Variants in UGT1A5 observed in about 807,000 individuals in gnomAD.
UGT1A5 encodes UDP glucuronosyltransferase family 1 member A5.
UGT1A5 carries 29 observed loss-of-function variants against 40.3 expected under a neutral mutation model. That is an observed-to-expected ratio of 0.72 (90% CI 0.54 to 0.98). The LOEUF (loss-of-function observed/expected upper bound fraction) is 0.98, where lower values mean the gene tolerates loss of function less well. Among genes scored for constraint, UGT1A5 ranks in the 50% least tolerant of loss-of-function variants. UGT1A5 has a pLI of 0.00. For missense variants in UGT1A5, 678 were observed against 677.9 expected (o/e 1.00, Z 0.00); for synonymous variants, 257 against 262.5 (o/e 0.98, Z 0.20).
At chr2:233,734,353 G>A (rs1251475810) in intron 1 of UGT1A5, among the ~76,000 whole-genome samples, 8 of 152,136 alleles carry the variant, frequency 5.3e-5, no homozygotes, top group Non-Finnish European at 1.2e-4. Flanking sequence ...TTGTATTTCT[G>A]TGGGATCGGT....
intron 1 of UGT1A5, among the ~76,000 whole-genome samples, chr2:233,757,218 C>G (rs1037156819): frequency 2.0e-5 from 3 of 149,068 alleles, no homozygotes; most frequent in African/African-American, 7.5e-5. Context: ...AAGCTGCTGA[C>G]CAAGGTTCCA....
chr2:233,718,096 T>G (rs2076629301), intron 1 of UGT1A5: 1 of 328,356 alleles, frequency 3.0e-6, no homozygotes, highest in Admixed American at 3.8e-5. Context: ...CATGTGTGCT[T>G]TAGACAGCAG....
chr2:233,722,240 A>G (rs538416824), intron 1 of UGT1A5, among the ~76,000 whole-genome samples: 40 of 152,326 alleles, frequency 2.6e-4, no homozygotes, highest in Middle Eastern at 6.8e-3. Flanking sequence ...ATCATGTATT[A>G]TCTGTGACAG....
Position 233,747,854 on chromosome 2 carries a change from G to C in UGT1A5, c.868-19180G>C, listed in dbSNP as rs28900382. 4.1e-4 allele frequency: 669 copies of C among 1,613,508 alleles called. 5 individuals are homozygous for C. The East Asian group carries it at 0.011, about 27-fold the overall frequency. On this transcript the variant is annotated intron_variant, in intron 1 of 4. Coordinates refer to ENST00000373414, the MANE Select transcript of UGT1A5 (RefSeq NM_019078.2). ...CATTCCTGCAAAGGGTCAAGAACAT[G>C]CTCTACCCTCTGGCCCTGTCCTACC...
chr2:233,745,507 G>A (rs1198591343), intron 1 of UGT1A5, among the ~76,000 whole-genome samples: 1 of 151,594 alleles, frequency 6.6e-6, no homozygotes, highest in African/African-American at 2.4e-5. Flanking sequence ...TTCCTATAGG[G>A]TATTAGGTCT....
chr2:233,736,519 G>A (rs746723553), intron 1 of UGT1A5, among the ~76,000 whole-genome samples: 27 of 152,186 alleles, frequency 1.8e-4, no homozygotes, highest in African/African-American at 5.3e-4. Context: ...CTGTCAACTC[G>A]TCAAAGTCAT....
intron 1 of UGT1A5, among the ~76,000 whole-genome samples, chr2:233,719,941 G>A (rs958273731): frequency 6.6e-6 from 1 of 152,192 alleles, no homozygotes; most frequent in African/African-American, 2.4e-5. Flanking sequence ...TGTTTGTAAA[G>A]GCACCATCTT....
chr2:233,772,291 G>A lies in UGT1A5; in HGVS notation c.1337G>A (p.Ser446Asn), dbSNP rs1248654212. 6.2e-7 allele frequency: 1 copy of A among 1,614,228 alleles called. No individual in the cohort carries two copies. The highest frequency in any genetic ancestry group is 1.1e-5 in the South Asian group (1 of 91,084). The change falls in exon 5 of 5, where the codon AGC becomes AAC. Residue 446 changes from serine (S) to asparagine (N), a missense_variant. Ser to Asn is a conservative substitution (Grantham distance 46, BLOSUM62 1). Transcript: ENST00000373414. ...SYKENIMRLS[S>N]LHKDRPVEPL... ...AAGGAGAACATCATGCGCCTCTCCAGCCTTCACAAGGACCGCCCGGTGGAG... is the reference window on the plus strand; with the variant it reads ...AAGGAGAACATCATGCGCCTCTCCAACCTTCACAAGGACCGCCCGGTGGAG...
intron 1 of UGT1A5, among the ~76,000 whole-genome samples, chr2:233,725,222 G>C (rs2077398090): frequency 1.1e-5 from 1 of 89,832 alleles, no homozygotes; most frequent in African/African-American, 7.8e-5. Context: ...AGGCAGAGGA[G>C]GCAGAGGCAG....
chr2:233,745,268 C>T (rs755257414), intron 1 of UGT1A5, among the ~76,000 whole-genome samples: 3 of 151,698 alleles, frequency 2.0e-5, no homozygotes, highest in Non-Finnish European at 4.4e-5. Context: ...ACTTGCAGGC[C>T]GTGTGTATAG....
At chr2:233,756,056 A>G (rs1035647864) in intron 1 of UGT1A5, 1 of 152,220 alleles carries the variant, frequency 6.6e-6, no homozygotes, top group African/African-American at 2.4e-5. Context: ...TCCACTGTAC[A>G]CTTGTGGGAG....
chr2:233,737,646 G>T (rs1166167912), intron 1 of UGT1A5, among the ~76,000 whole-genome samples: 1 of 152,194 alleles, frequency 6.6e-6, no homozygotes, highest in African/African-American at 2.4e-5. Flanking sequence ...CGTCGATCAT[G>T]CTGGGAGCTG....
chr2:233,726,424 A>G (rs540459966), intron 1 of UGT1A5, among the ~76,000 whole-genome samples: 1 of 151,962 alleles, frequency 6.6e-6, no homozygotes, highest in East Asian at 1.9e-4. Flanking sequence ...GATTCTGTCC[A>G]CTCTTAATCT....
intron 1 of UGT1A5, among the ~76,000 whole-genome samples, chr2:233,734,364 G>A (rs1194313083): frequency 6.6e-6 from 1 of 152,040 alleles, no homozygotes; most frequent in East Asian, 1.9e-4. Context: ...TGGGATCGGT[G>A]GTGATATTGC....
In UGT1A5 at chr2:233,724,385, C is replaced by T. The variant is rs1406263837; in HGVS notation, c.867+10527C>T. ...GGACGGGGTGGCTGCCGGGCGGAGA[C>T]GCTCCTCACTTCCCAGATGGGGTGG... is the stretch of plus-strand genomic sequence containing the variant. On this transcript the variant is annotated intron_variant, in intron 1 of 4. Coordinates refer to ENST00000373414, the MANE Select transcript of UGT1A5 (RefSeq NM_019078.2). Among the ~76,000 whole-genome samples the T allele has an allele frequency of 2.7e-3, 360 of 130,940 alleles. 4 individuals are homozygous for T. Among genetic ancestry groups the T allele is most frequent in the African/African-American group, 9.9e-3 (334 of 33,572 alleles). 85.9% of individuals were successfully genotyped at this position (130,940 alleles called of 152,430 possible).
At chr2:233,750,055 CT>C (rs1365939187) in intron 1 of UGT1A5, among the ~76,000 whole-genome samples, 2 of 151,758 alleles carry the variant, frequency 1.3e-5, no homozygotes, top group Non-Finnish European at 2.9e-5. Context: ...GTGGAAGTGA[CT>C]TTGGAACTGG....
At chr2:233,732,356 G>A (rs946467388) in intron 1 of UGT1A5, among the ~76,000 whole-genome samples, 35 of 152,232 alleles carry the variant, frequency 2.3e-4, no homozygotes, top group Non-Finnish European at 4.6e-4. Context: ...TAGTCATGAA[G>A]TCCTGGCCCA....
intron 1 of UGT1A5, chr2:233,743,985 A>C (rs1333314866): frequency 3.1e-6 from 4 of 1,283,108 alleles, no homozygotes; most frequent in Non-Finnish European, 4.1e-6. Flanking sequence ...ACCCAGGCGC[A>C]GGCCCGAGTG....
Position 233,768,558 on chromosome 2 carries a change from T to C in UGT1A5, c.1307+119T>C. On this transcript the variant is annotated intron_variant, in intron 4 of 4. Transcript: ENST00000373414. ...TGTTTCAAATATAAAAACAAATACA[T>C]AAAAATCTGGATTTTTATTTCTTCT... 3.4e-6 allele frequency: 4 copies of C among 1,184,218 alleles called. No individual in the cohort carries two copies. In the South Asian group the frequency reaches 4.4e-5, roughly 13 times the overall value. The allele number at this position is 1,184,218 out of a possible 1,614,324, so 73.4% of individuals were successfully genotyped here.
Sources: allele counts gnomAD v4.1 joint callset (sites outside exome capture counted in the v4.1 genomes callset), GRCh38; gene constraint gnomAD v4.1.1; transcripts MANE v1.5; gene names NCBI Gene and HGNC (gene_info 2026-07-23, HGNC 2026-07-21).